Variants in VPS8 observed in about 807,000 individuals in gnomAD.
The protein encoded by VPS8 is vacuolar protein sorting-associated protein 8 homolog.
VPS8 carries 129 observed loss-of-function variants against 216.4 expected under a neutral mutation model. The observed-to-expected ratio is 0.60, with a 90% CI of 0.52 to 0.69. VPS8 has a LOEUF of 0.69. Among genes scored for constraint, VPS8 ranks in the 30% least tolerant of loss-of-function variants. The pLI is 0.00. For synonymous variants in VPS8, 571 were observed against 565.4 expected (o/e 1.01, Z -0.14); for missense variants, 1,531 against 1,683.5 (o/e 0.91, Z 1.59).
At chr3:184,984,171 G>A (rs1446168866) in intron 42 of VPS8, among the ~76,000 whole-genome samples, 9 of 232 alleles carry the variant, frequency 0.039, no homozygotes, top group Admixed American at 0.25. Flanking sequence ...GCAACAGAGC[G>A]AGACTCCGTC....
chr3:184,990,754 A>G (rs1751788289), intron 42 of VPS8, among the ~76,000 whole-genome samples: 1 of 152,190 alleles, frequency 6.6e-6, no homozygotes, highest in African/African-American at 2.4e-5. Flanking sequence ...ACTGTATCAG[A>G]TCCCCACTGA....
At chr3:184,838,111 G>A (rs1388045151) in intron 5 of VPS8, among the ~76,000 whole-genome samples, 2 of 152,206 alleles carry the variant, frequency 1.3e-5, no homozygotes, top group Non-Finnish European at 2.9e-5. Flanking sequence ...AAACAGTGCA[G>A]TATTTGCTAT....
chr3:184,839,386 T>TA (rs1721704853), intron 6 of VPS8: 1 of 292,506 alleles, frequency 3.4e-6, no homozygotes, highest in Non-Finnish European at 6.3e-6. Flanking sequence ...AAGTGCCTCT[T>TA]ACTTTGCCTG....
chr3:184,938,399 C>T (rs541918370), intron 35 of VPS8, among the ~76,000 whole-genome samples: 72 of 152,274 alleles, frequency 4.7e-4, no homozygotes, highest in African/African-American at 1.7e-3. Context: ...AAGACAATTA[C>T]AGACTAGCTT....
chr3:184,892,717 A>G (rs34089051), intron 22 of VPS8, among the ~76,000 whole-genome samples: 81,271 of 152,038 alleles, frequency 0.53, 22,801 homozygotes, highest in Middle Eastern at 0.7. Flanking sequence ...GTGGTTTTGC[A>G]TTTATCTTAG....
chr3:184,963,836 G>T (rs1380416271), intron 37 of VPS8, among the ~76,000 whole-genome samples: 3 of 151,998 alleles, frequency 2.0e-5, no homozygotes, highest in Non-Finnish European at 4.4e-5. Flanking sequence ...ATTCGGTGCT[G>T]TATTTTGCCA....
intron 30 of VPS8, 100 bp from the exon 31 acceptor site, chr3:184,926,494 G>A (rs1578276751): frequency 1.6e-6 from 2 of 1,214,544 alleles, no homozygotes; most frequent in African/African-American, 3.0e-5. Flanking sequence ...GTCTGGGTGT[G>A]AATGAGTTGG....
At chr3:184,999,887 G>T in intron 45 of VPS8, 26 bp downstream of exon 45, 1 of 1,586,286 alleles carries the variant, frequency 6.3e-7, no homozygotes, top group African/African-American at 1.3e-5. Context: ...GTGGCAAAAT[G>T]GAAATGGTCT....
At chr3:184,998,217 G>A (rs1213157243) in intron 44 of VPS8, among the ~76,000 whole-genome samples, 5 of 152,108 alleles carry the variant, frequency 3.3e-5, no homozygotes, top group South Asian at 4.1e-4. Context: ...CTGGGGCGGT[G>A]ACATGATCTG....
At chr3:184,980,528 A>G (rs1324407070) in intron 40 of VPS8, among the ~76,000 whole-genome samples, 2 of 148,282 alleles carry the variant, frequency 1.3e-5, no homozygotes, top group African/African-American at 5.0e-5. Context: ...TTTATTTTTT[A>G]TTTGAAGAAC....
chr3:184,962,515 C>T (rs1746698609), intron 37 of VPS8, among the ~76,000 whole-genome samples: 1 of 152,122 alleles, frequency 6.6e-6, no homozygotes, highest in African/African-American at 2.4e-5. Context: ...TTTCTTTTCT[C>T]TGAATTATTT....
chr3:184,900,873 A>G lies in VPS8; in HGVS notation c.2095-48A>G, dbSNP rs1048770400. 9 of 1,472,058 alleles carry G rather than the reference A, an allele frequency of 6.1e-6. No individual in the cohort carries two copies. In the East Asian group the frequency reaches 2.0e-4, roughly 34 times the overall value. The allele number at this position is 1,472,058 out of a possible 1,614,324, so 91.2% of individuals were successfully genotyped here. ...GCATAAGATTCTTATTTTTTAAATA[A>G]TATCATTTGAGATGATGATGATTGT... On this transcript the variant is annotated intron_variant, in intron 24 of 47. Coordinates refer to ENST00000625842, the MANE Select transcript of VPS8 (RefSeq NM_001009921.3).
At chr3:184,861,055 C>T (rs1726281934) in intron 15 of VPS8, among the ~76,000 whole-genome samples, 1 of 152,110 alleles carries the variant, frequency 6.6e-6, no homozygotes, top group African/African-American at 2.4e-5. Context: ...ATCTCCTGAC[C>T]TCGTGATCTG....
At chr3:185,041,513 A>T (rs1326026665) in intron 46 of VPS8, among the ~76,000 whole-genome samples, 1 of 152,062 alleles carries the variant, frequency 6.6e-6, no homozygotes, top group African/African-American at 2.4e-5. Flanking sequence ...GTCTTCTTGG[A>T]TGTTGAGATT....
intron 25 of VPS8, among the ~76,000 whole-genome samples, chr3:184,903,772 C>T (rs1735001868): frequency 6.6e-6 from 1 of 152,126 alleles, no homozygotes; most frequent in Non-Finnish European, 1.5e-5. Flanking sequence ...AGTCACTTTG[C>T]TTTCCCCTTT....
At chr3:184,992,514 A>C (rs1752035107) in intron 42 of VPS8, among the ~76,000 whole-genome samples, 1 of 152,086 alleles carries the variant, frequency 6.6e-6, no homozygotes, top group African/African-American at 2.4e-5. Context: ...TTTGTGACTT[A>C]GAGAAGTTTT....
intron 34 of VPS8, among the ~76,000 whole-genome samples, chr3:184,934,964 G>C (rs1741333907): frequency 6.6e-6 from 1 of 152,102 alleles, no homozygotes; most frequent in Non-Finnish European, 1.5e-5. Context: ...TTACCAGTGA[G>C]GCTATTTGAC....
chr3:184,816,017 G>A (rs562957483), intron 1 of VPS8: 1 of 152,268 alleles, frequency 6.6e-6, no homozygotes, highest in Admixed American at 6.5e-5. Context: ...ATGTGAAGAA[G>A]AAAAGGGAAT....
At chr3:184,920,669 C>A (rs1322015835) in intron 29 of VPS8, among the ~76,000 whole-genome samples, 1 of 152,184 alleles carries the variant, frequency 6.6e-6, no homozygotes, top group East Asian at 1.9e-4. Context: ...TAATTAGATT[C>A]AGGAGAAAGC....
Sources: allele counts gnomAD v4.1 joint callset (sites outside exome capture counted in the v4.1 genomes callset), GRCh38; gene constraint gnomAD v4.1.1; transcripts MANE v1.5; gene names NCBI Gene and HGNC (gene_info 2026-07-23, HGNC 2026-07-21).